Variants in ATP2B3 observed in about 807,000 individuals in gnomAD.
ATP2B3 encodes the protein ATPase plasma membrane Ca2+ transporting 3, also known as plasma membrane calcium-transporting ATPase 3.
In ATP2B3, 12 loss-of-function variants were observed where a neutral mutation model predicts 70.8. That is an observed-to-expected ratio of 0.17 (90% CI 0.11 to 0.27). The LOEUF (loss-of-function observed/expected upper bound fraction) is 0.27. Among genes scored for constraint, ATP2B3 ranks in the 10% least tolerant of loss-of-function variants. The pLI, the probability that ATP2B3 is intolerant of heterozygous loss-of-function variation, is 1.00. For synonymous variants in ATP2B3, 460 were observed against 497.8 expected (o/e 0.92, Z 1.01); for missense variants, 858 against 1,118.5 (o/e 0.77, Z 3.32).
Position 153,536,407 on chromosome X carries a change from G to A in ATP2B3, c.160G>A (p.Gly54Arg), listed in dbSNP as rs1557004138. 8 of 1,204,907 alleles carry A rather than the reference G, an allele frequency of 6.6e-6. 1 individual carries two copies. In the South Asian group the frequency reaches 9.0e-5, roughly 14 times the overall value. ...GCTGCAGAAGATCGAGGAGGCCTACGGGGATGTCAGCGGGCTCTGCCGGAG... is the reference window on the plus strand; with the variant it reads ...GCTGCAGAAGATCGAGGAGGCCTACAGGGATGTCAGCGGGCTCTGCCGGAG... ...EALQKIEEAY[G>R]DVSGLCRRLK... The change falls in exon 3 of 22, where the codon GGG becomes AGG. Residue 54 changes from glycine (G) to arginine (R), a missense_variant. This residue lies in a region of ATP2B3 where 278 missense variants were observed against 366.2 expected (regional missense o/e 0.76). Transcript: ENST00000263519.
intron 17 of ATP2B3, chrX:153,559,499 G>A (rs781890110): frequency 2.2e-5 from 9 of 414,842 alleles, no homozygotes; most frequent in Non-Finnish European, 3.8e-5. Flanking sequence ...TCCTGCGAGG[G>A]ATTTGGAGCA....
Position 153,536,350 on chromosome X carries a change from C to T in ATP2B3, c.103C>T (p.Arg35Cys), listed in dbSNP as rs1342263352. The T allele has an allele frequency of 2.5e-6, 3 of 1,200,685 alleles. No homozygotes were observed. The highest frequency in any genetic ancestry group is 2.4e-4 in the Middle Eastern group (1 of 4,221). Residue 35 changes from arginine to cysteine, a missense_variant, in exon 3 of 22, where the codon CGC (arginine) becomes TGC (cysteine). Arg to Cys is a radical substitution (Grantham distance 180, BLOSUM62 -3). Transcript: ENST00000263519. ...CTTTGGGTGCACGCTGGCGGAGCTG[C>T]GCACCCTCATGGAGCTGCGAGGGGC... The part of the protein sequence containing the change: ...GGFGCTLAEL[R>C]TLMELRGAEA...
intron 20 of ATP2B3, among the ~76,000 whole-genome samples, chrX:153,563,456 G>T (rs988046296): frequency 8.9e-6 from 1 of 112,012 alleles, no homozygotes; most frequent in Non-Finnish European, 1.9e-5. Flanking sequence ...TTTGTTTCTT[G>T]ATCTCTGTGC....
At chrX:153,525,119 G>A (rs782619938) in intron 2 of ATP2B3, among the ~76,000 whole-genome samples, 15 of 112,254 alleles carry the variant, frequency 1.3e-4, no homozygotes, top group African/African-American at 2.3e-4. Context: ...AAACAAAGCC[G>A]GCAGTACAAG....
At chrX:153,523,688 A>AT (rs1198038269) in intron 2 of ATP2B3, among the ~76,000 whole-genome samples, 14 of 59,226 alleles carry the variant, frequency 2.4e-4, no homozygotes, top group African/African-American at 9.4e-4. Flanking sequence ...TCCTCCCTTC[A>AT]TTTTTTTTTT....
chrX:153,542,066 CGGGGGTGGG>C, intron 5 of ATP2B3, 140 bp downstream of exon 5: 1 of 81,977 alleles, frequency 1.2e-5, no homozygotes, highest in Non-Finnish European at 1.8e-5. Flanking sequence ...CGGGAGGTGG[CGGGGGTGGG>C]GGAGGTGGGG....
At chrX:153,562,840 G>T (rs2090645110) in intron 20 of ATP2B3, among the ~76,000 whole-genome samples, 1 of 112,477 alleles carries the variant, frequency 8.9e-6, no homozygotes, top group African/African-American at 3.2e-5. Context: ...CTTTCTCGAA[G>T]TCCCGGAGGC....
In ATP2B3 at chrX:153,529,764, T is replaced by A. The variant is rs782361708; in HGVS notation, c.-126-6358T>A. Among the ~76,000 whole-genome samples, 42 of 108,519 alleles carry A rather than the reference T, an allele frequency of 3.9e-4. No individual in the cohort carries two copies. The East Asian group carries it at 6.0e-3, about 16-fold the overall frequency. The allele number at this position is 108,519 out of a possible 115,157, so 94.2% of individuals were successfully genotyped here. A position where few individuals can be genotyped will look rare whatever the true frequency, so the allele number is the denominator to read the frequency against. On this transcript the variant is annotated intron_variant, in intron 2 of 21. Coordinates refer to ENST00000263519, the MANE Select transcript of ATP2B3 (RefSeq NM_001001344.3). ...ACCCACCCTTCCACTGTCCGTCCCCTCAGATTTCACAGCTCTCCTATGAGG... is the reference window on the plus strand; with the variant it reads ...ACCCACCCTTCCACTGTCCGTCCCCACAGATTTCACAGCTCTCCTATGAGG...
In ATP2B3 at chrX:153,581,010, CATG is replaced by C. The variant is rs1236551189; in HGVS notation, c.*715_*717del. ...ATTTCAATAAGGAACTATTTACTGG[CATG>C]ATATTTGCATTCCTCTTATCAGGCA... On this transcript the variant is annotated 3_prime_UTR_variant, in exon 22 of 22. Transcript: ENST00000263519. 1.8e-5 allele frequency: 2 copies of C among 111,752 alleles called. No individual in the cohort carries two copies. Among genetic ancestry groups the C allele is most frequent in the African/African-American group, 6.5e-5 (2 of 30,581 alleles). The allele number at this position is 111,752 out of a possible 1,213,427, so 9.2% of individuals were successfully genotyped here. A position where few individuals can be genotyped will look rare whatever the true frequency, so the allele number is the denominator to read the frequency against.
intron 3 of ATP2B3, among the ~76,000 whole-genome samples, chrX:153,540,980 C>T (rs2090270824): frequency 8.9e-6 from 1 of 112,266 alleles, no homozygotes; most frequent in East Asian, 2.8e-4. Context: ...TCTGTGCCCC[C>T]TTGTTGGGTC....
chrX:153,549,649 G>C lies in ATP2B3; in HGVS notation c.1491G>C (p.Glu497Asp), dbSNP rs143273384. ...QSYLGDTHYK[E>D]IPAPSALTPK... is the part of the protein sequence containing the mutation. Reference sequence around the variant, plus strand: ...ACCTAGGAGACACCCACTACAAAGAGATTCCGGCCCCCAGCGCCCTGACCC... The same window carrying C: ...ACCTAGGAGACACCCACTACAAAGACATTCCGGCCCCCAGCGCCCTGACCC... Residue 497 changes from glutamate (E) to aspartate (D), a missense_variant, in exon 11 of 22, where the codon GAG becomes GAC. By Grantham distance (45) the Glu-to-Asp change is conservative. Around this residue, in one of 5 missense-constraint regions of ATP2B3, gnomAD observed 242 missense variants for 281.3 expected, o/e 0.86. Transcript: ENST00000263519. 2.2e-4 allele frequency: 262 copies of C among 1,210,979 alleles called. 2 individuals are homozygous for C. The African/African-American group carries it at 3.7e-3, about 17-fold the overall frequency.
intron 21 of ATP2B3, among the ~76,000 whole-genome samples, chrX:153,575,247 C>G (rs1339067517): frequency 8.9e-6 from 1 of 112,874 alleles, no homozygotes; most frequent in Non-Finnish European, 1.9e-5. Context: ...CATTCAGCCC[C>G]GTCCACTGAG....
intron 6 of ATP2B3, 45 bp from the exon 7 acceptor site, chrX:153,542,998 T>G (rs782129214): frequency 3.9e-5 from 47 of 1,194,815 alleles, no homozygotes; most frequent in Non-Finnish European, 4.9e-5. Context: ...TGTCTCCCAC[T>G]GGGTGATACA....
intron 13 of ATP2B3, among the ~76,000 whole-genome samples, chrX:153,554,682 A>T (rs1261554521): frequency 8.9e-6 from 1 of 112,586 alleles, no homozygotes; most frequent in Non-Finnish European, 1.9e-5. Flanking sequence ...CAGCCAGAGG[A>T]GGGCCCGTGA....
intron 12 of ATP2B3, among the ~76,000 whole-genome samples, 153 bp from the exon 13 acceptor site, chrX:153,552,882 G>A (rs781838551): frequency 3.6e-5 from 4 of 111,844 alleles, no homozygotes; most frequent in Non-Finnish European, 5.7e-5. Context: ...GTTGTCACAC[G>A]CCCTTCTCCC....
rs782536019 is a variant in ATP2B3, at chrX:153,580,216, C to T, written c.3581C>T (p.Thr1194Met). The change falls in exon 22 of 22, where the codon ACG (threonine) becomes ATG (methionine). Residue 1194 changes from threonine to methionine, a missense_variant. By Grantham distance (81) the Thr-to-Met change is moderately conservative. Coordinates refer to ENST00000263519, the MANE Select transcript of ATP2B3 (RefSeq NM_001001344.3). ...ATAGACAGCGGCATCTACCTGACCA[C>T]GCATGTCACCAAGTCAGCTACCTCT... The part of the protein sequence containing the change: ...NAIDSGIYLT[T>M]HVTKSATSSV... 8 of 1,205,723 alleles carry T rather than the reference C, an allele frequency of 6.6e-6. No homozygotes were observed. Among genetic ancestry groups the T allele is most frequent in the African/African-American group, 3.6e-5 (2 of 55,874 alleles).
At chrX:153,548,049 G>A in intron 9 of ATP2B3, 50 bp downstream of exon 9, 1 of 1,155,019 alleles carries the variant, frequency 8.7e-7, no homozygotes, top group East Asian at 3.0e-5. Context: ...GGGCGTGGAG[G>A]ATGCTGGGCT....
intron 3 of ATP2B3, among the ~76,000 whole-genome samples, 153 bp from the exon 4 acceptor site, chrX:153,541,206 T>A (rs2090274105): frequency 8.9e-6 from 1 of 112,511 alleles, no homozygotes; most frequent in African/African-American, 3.2e-5. Context: ...AAGGCTCCTG[T>A]CTAGAGGGAG....
intron 21 of ATP2B3, among the ~76,000 whole-genome samples, chrX:153,574,517 C>T (rs2090830872): frequency 9.0e-6 from 1 of 111,599 alleles, no homozygotes; most frequent in Non-Finnish European, 1.9e-5. Flanking sequence ...TCGGCTGGTG[C>T]CCAGCACAGA....
Sources: allele counts gnomAD v4.1 joint callset (sites outside exome capture counted in the v4.1 genomes callset), GRCh38; gene constraint gnomAD v4.1.1; regional missense constraint gnomAD v4.1.1; transcripts MANE v1.5; gene names NCBI Gene and HGNC (gene_info 2026-07-23, HGNC 2026-07-21).